Variants in BDKRB2 observed in about 807,000 individuals in gnomAD.
The protein encoded by BDKRB2 is B2 bradykinin receptor.
A neutral mutation model predicts 4.0 loss-of-function variants in BDKRB2; 6 were observed. The observed-to-expected ratio is 1.49, with a 90% confidence interval of 0.81 to 2.93. The LOEUF (loss-of-function observed/expected upper bound fraction) is 2.93, where lower values mean the gene tolerates loss of function less well. Among genes scored for constraint, BDKRB2 ranks in the 30% most tolerant of loss-of-function variants. The pLI is 0.00. For missense variants in BDKRB2, 478 were observed against 520.1 expected (o/e 0.92, Z 0.79); for synonymous variants, 225 against 215.3 (o/e 1.05, Z -0.40).
At chr14:96,238,484 C>A in intron 2 of BDKRB2, 1 of 985,608 alleles carries the variant, frequency 1.0e-6, no homozygotes, top group Non-Finnish European at 1.2e-6. Context: ...CCACAGGGAT[C>A]TTTTTAGAGC....
At chr14:96,212,101 G>C (rs1350217535) in intron 1 of BDKRB2, among the ~76,000 whole-genome samples, 6 of 152,172 alleles carry the variant, frequency 3.9e-5, no homozygotes, top group Non-Finnish European at 7.3e-5. Context: ...AATCTGGAGG[G>C]AGACCTACCC....
chr14:96,205,531 G>T (rs1246054639), intron 1 of BDKRB2, among the ~76,000 whole-genome samples: 1 of 152,184 alleles, frequency 6.6e-6, no homozygotes, highest in Non-Finnish European at 1.5e-5. Flanking sequence ...CCTCCAGGAG[G>T]CAGGTGGTAG....
Position 96,240,814 on chromosome 14 carries a change from C to T in BDKRB2, c.486C>T (p.Thr162=), listed in dbSNP as rs147247250. ...ACCGCTACCTGGCCCTGGTGAAAAC[C>T]ATGTCCATGGGCCGGATGCGCGGCG... The part of the protein sequence containing the change: ...SIDRYLALVK[T]MSMGRMRGVR... The change falls in exon 3 of 3, where the codon ACC becomes ACT. Residue 162 remains threonine, a synonymous_variant. Transcript: ENST00000554311. 1.9e-6 allele frequency: 3 copies of T among 1,553,440 alleles called. No individual in the cohort carries two copies. Among genetic ancestry groups the T allele is most frequent in the African/African-American group, 1.4e-5 (1 of 73,270 alleles).
intron 1 of BDKRB2, among the ~76,000 whole-genome samples, chr14:96,234,738 G>A (rs1890893831): frequency 6.6e-6 from 1 of 152,228 alleles, no homozygotes; most frequent in Non-Finnish European, 1.5e-5. Flanking sequence ...CCACTAGCAA[G>A]CAATTAGGAT....
intron 1 of BDKRB2, among the ~76,000 whole-genome samples, chr14:96,227,995 G>A (rs778267126): frequency 2.2e-4 from 34 of 152,240 alleles, no homozygotes; most frequent in Non-Finnish European, 4.6e-4. Context: ...CCTGCACAGG[G>A]CTTGTTCCCT....
Position 96,240,568 on chromosome 14 carries a change from C to A in BDKRB2, c.240C>A (p.Ser80Arg). 6.4e-7 allele frequency: 1 copy of A among 1,566,482 alleles called. No individual in the cohort carries two copies. The highest frequency in any genetic ancestry group is 8.6e-7 in the Non-Finnish European group (1 of 1,158,322). The change falls in exon 3 of 3, where the codon AGC becomes AGA. Residue 80 changes from serine to arginine, a missense_variant. Transcript: ENST00000554311. ...LATLENIFVLSVFCLHKSSCT... is the reference protein window; with the variant it reads ...LATLENIFVLRVFCLHKSSCT... ...CCCTAGAGAACATCTTTGTCCTCAGCGTCTTCTGCCTGCACAAGAGCAGCT... is the reference window on the plus strand; with the variant it reads ...CCCTAGAGAACATCTTTGTCCTCAGAGTCTTCTGCCTGCACAAGAGCAGCT...
chr14:96,207,375 A>G (rs919432452), intron 1 of BDKRB2, among the ~76,000 whole-genome samples: 1 of 152,234 alleles, frequency 6.6e-6, no homozygotes, highest in African/African-American at 2.4e-5. Context: ...TATGATTTCA[A>G]CTATATGTGA....
chr14:96,220,830 G>C (rs752860091), intron 1 of BDKRB2, among the ~76,000 whole-genome samples: 1 of 151,984 alleles, frequency 6.6e-6, no homozygotes, highest in Admixed American at 6.5e-5. Flanking sequence ...GTATATGAGA[G>C]GGATGCAACT....
intron 1 of BDKRB2, among the ~76,000 whole-genome samples, chr14:96,216,342 A>T (rs960952895): frequency 2.0e-5 from 3 of 152,072 alleles, no homozygotes; most frequent in African/African-American, 4.8e-5. Context: ...CCTCCCCGCA[A>T]GAAGTAGGCC....
chr14:96,233,705 C>G (rs1890871728), intron 1 of BDKRB2: 1 of 152,186 alleles, frequency 6.6e-6, no homozygotes, highest in Non-Finnish European at 1.5e-5. Flanking sequence ...GTGGAGGCCA[C>G]TGCTTCAAAG....
At chr14:96,218,808 A>C (rs1183248009) in intron 1 of BDKRB2, among the ~76,000 whole-genome samples, 1 of 152,042 alleles carries the variant, frequency 6.6e-6, no homozygotes, top group Non-Finnish European at 1.5e-5. Flanking sequence ...AATCCCAGCT[A>C]CTAGGAAGGC....
intron 2 of BDKRB2, chr14:96,238,147 G>T: frequency 1.1e-6 from 1 of 949,992 alleles, no homozygotes; most frequent in Non-Finnish European, 1.3e-6. Context: ...CTGGGGCCTT[G>T]GTTGGAAGAT....
chr14:96,228,641 G>C (rs1254301867), intron 1 of BDKRB2, among the ~76,000 whole-genome samples: 2 of 152,208 alleles, frequency 1.3e-5, no homozygotes, highest in East Asian at 3.9e-4. Context: ...AGGATGGGGG[G>C]CATGGTGGGC....
intron 1 of BDKRB2, chr14:96,214,598 C>T (rs991181707): frequency 2.0e-5 from 3 of 152,304 alleles, no homozygotes; most frequent in South Asian, 2.1e-4. Flanking sequence ...AGCAGGTTTG[C>T]CTCACATGCC....
chr14:96,229,133 T>C (rs1015691812), intron 1 of BDKRB2, among the ~76,000 whole-genome samples: 3 of 152,104 alleles, frequency 2.0e-5, no homozygotes, highest in African/African-American at 7.2e-5. Context: ...TCAACGACCA[T>C]TTATTAAACA....
chr14:96,220,814 G>T lies in BDKRB2; in HGVS notation c.-40+15855G>T, dbSNP rs369647711. ...AAAAGCCAAGATGAGATCTATACTT[G>T]AGAGCGTATATGAGAGGGATGCAAC... On this transcript the variant is annotated intron_variant, in intron 1 of 2. Transcript: ENST00000554311. Among the ~76,000 whole-genome samples the T allele has an allele frequency of 7.8e-4, 119 of 152,116 alleles. 1 individual carries two copies. The highest frequency in any genetic ancestry group is 6.8e-3 in the Middle Eastern group (2 of 294).
At position 96,204,926 on chromosome 14, in the gene BDKRB2, G is replaced by A. The variant is rs1349174026; in HGVS notation, c.-73G>A. 1.4e-5 allele frequency: 4 copies of A among 290,666 alleles called. No individual in the cohort carries two copies. In the East Asian group the frequency reaches 4.6e-4, roughly 33 times the overall value. 18.0% of individuals were successfully genotyped at this position (290,666 alleles called of 1,614,324 possible). A position where few individuals can be genotyped will look rare whatever the true frequency, so the allele number is the denominator to read the frequency against. ...AGGCTGCCCCGCAGTACCAGGGAGC[G>A]ACTGAAGTGCCCATGCCGCTTGCTC... On this transcript the variant is annotated 5_prime_UTR_variant, in exon 1 of 3. Transcript: ENST00000554311.
Position 96,241,139 on chromosome 14 carries a change from C to G in BDKRB2, c.811C>G (p.Leu271Val), listed in dbSNP as rs752721113. 1.1e-5 allele frequency: 18 copies of G among 1,612,164 alleles called. No individual in the cohort carries two copies. The Admixed American group carries it at 1.3e-4, about 12-fold the overall frequency. Reference protein sequence around the residue: ...EIQTERRATVLVLVVLLLFII... With the variant: ...EIQTERRATVVVLVVLLLFII... ...CCAGACAGAGAGGAGGGCCACGGTG[C>G]TAGTCCTGGTTGTGCTGCTGCTATT... Residue 271 changes from leucine (L) to valine (V), a missense_variant, in exon 3 of 3, where the codon CTA (leucine) becomes GTA (valine). Coordinates refer to ENST00000554311, the MANE Select transcript of BDKRB2 (RefSeq NM_001379692.1).
chr14:96,220,395 C>T (rs1228727861), intron 1 of BDKRB2, among the ~76,000 whole-genome samples: 4 of 152,152 alleles, frequency 2.6e-5, no homozygotes, highest in African/African-American at 7.3e-5. Context: ...AGCTTATCCA[C>T]ACCATGACAC....
Sources: gnomAD v4.1 joint callset for allele counts (sites outside exome capture counted in the v4.1 genomes callset) on GRCh38, gnomAD v4.1.1 for gene constraint, MANE v1.5 for transcripts, NCBI Gene and HGNC (gene_info 2026-07-23, HGNC 2026-07-21) for gene names.